PLCXD3: variants seen among roughly 807,000 people sequenced by gnomAD.
PLCXD3 encodes phosphatidylinositol specific phospholipase C X domain containing 3.
A neutral mutation model predicts 25.5 loss-of-function variants in PLCXD3; 19 were observed. The observed-to-expected ratio is 0.75, with a 90% CI of 0.52 to 1.09. The LOEUF (loss-of-function observed/expected upper bound fraction) is 1.09, where lower values mean the gene tolerates loss of function less well. Ranked by LOEUF, PLCXD3 falls within the 50% of genes least tolerant of loss-of-function variation. PLCXD3 has a pLI of 0.00. For missense variants in PLCXD3, 411 were observed against 388.1 expected (o/e 1.06, Z -0.50); for synonymous variants, 174 against 137.6 (o/e 1.26, Z -1.85).
chr5:41,398,681 T>A (rs1245234806), intron 1 of PLCXD3, among the ~76,000 whole-genome samples: 1 of 152,198 alleles, frequency 6.6e-6, no homozygotes, highest in Non-Finnish European at 1.5e-5. Context: ...CATCTCTTTA[T>A]GATAAAAATC....
chr5:41,498,509 G>T lies in PLCXD3; in HGVS notation c.103+11915C>A, dbSNP rs190129487. Among the ~76,000 whole-genome samples the T allele has an allele frequency of 1.3e-3, 198 of 151,814 alleles. 1 individual carries two copies. The highest frequency in any genetic ancestry group is 4.2e-3 in the African/African-American group (174 of 41,530). ...GTGAACAACCCTATAATAGTAAGGA[G>T]ATTGATTCAGTTGCTAAAATCTCTC... On this transcript the variant is annotated intron_variant, in intron 1 of 2. Transcript: ENST00000377801.
chr5:41,469,031 C>G (rs1465790182), intron 1 of PLCXD3, among the ~76,000 whole-genome samples: 4 of 152,056 alleles, frequency 2.6e-5, no homozygotes, highest in Non-Finnish European at 2.9e-5. Context: ...TATGGCCTAA[C>G]GGTGTTGAGG....
intron 2 of PLCXD3, among the ~76,000 whole-genome samples, chr5:41,368,278 G>C (rs1035650425): frequency 1.3e-5 from 2 of 151,986 alleles, no homozygotes; most frequent in Non-Finnish European, 2.9e-5. Context: ...GTCATAATTT[G>C]GCTCTATATT....
intron 2 of PLCXD3, among the ~76,000 whole-genome samples, chr5:41,369,942 T>C (rs1353658398): frequency 6.6e-6 from 1 of 152,218 alleles, no homozygotes; most frequent in Non-Finnish European, 1.5e-5. Flanking sequence ...ATCACATCCA[T>C]TTCCAAAGGG....
In PLCXD3 at chr5:41,458,358, A is replaced by G. The variant is rs116704669; in HGVS notation, c.103+52066T>C. ...AGACAGAGAAACAGAAAACTGGAAA[A>G]TAAAACCAGAATTAGTGAAAATGTA... is the stretch of plus-strand genomic sequence containing the variant. On this transcript the variant is annotated intron_variant, in intron 1 of 2. Transcript: ENST00000377801. Among the ~76,000 whole-genome samples the G allele has an allele frequency of 3.8e-3, 571 of 152,076 alleles. 6 individuals carry two copies. The highest frequency in any genetic ancestry group is 0.012 in the African/African-American group (480 of 41,510).
chr5:41,407,610 C>T (rs1314315030), intron 1 of PLCXD3, among the ~76,000 whole-genome samples: 1 of 152,114 alleles, frequency 6.6e-6, no homozygotes, highest in African/African-American at 2.4e-5. Flanking sequence ...GATTTTATGT[C>T]ATTAAAGACA....
chr5:41,427,724 G>A (rs1446525976), intron 1 of PLCXD3, among the ~76,000 whole-genome samples: 4 of 151,868 alleles, frequency 2.6e-5, no homozygotes, highest in Admixed American at 2.6e-4. Context: ...CCAGACTCTG[G>A]GTGGTTGAAC....
At chr5:41,426,151 G>T (rs1389329165) in intron 1 of PLCXD3, among the ~76,000 whole-genome samples, 2 of 151,390 alleles carry the variant, frequency 1.3e-5, no homozygotes, top group African/African-American at 4.8e-5. Context: ...CATTCTAATA[G>T]GTATGTAGTG....
At chr5:41,384,070 G>T (rs1745565341) in intron 1 of PLCXD3, among the ~76,000 whole-genome samples, 1 of 151,962 alleles carries the variant, frequency 6.6e-6, no homozygotes, top group African/African-American at 2.4e-5. Flanking sequence ...TTAAAATTTA[G>T]ATAAGTTCTC....
At chr5:41,475,921 C>T (rs930461521) in intron 1 of PLCXD3, among the ~76,000 whole-genome samples, 2 of 152,206 alleles carry the variant, frequency 1.3e-5, no homozygotes, top group African/African-American at 2.4e-5. Flanking sequence ...TGAGCAAAGG[C>T]AGCCCCTGAG....
intron 1 of PLCXD3, among the ~76,000 whole-genome samples, chr5:41,467,170 C>T (rs994524564): frequency 6.6e-6 from 1 of 152,162 alleles, no homozygotes; most frequent in Admixed American, 6.5e-5. Flanking sequence ...TACATTTCCA[C>T]CAACAATGTT....
chr5:41,330,320 C>T (rs1743758440), intron 2 of PLCXD3, among the ~76,000 whole-genome samples: 1 of 152,170 alleles, frequency 6.6e-6, no homozygotes, highest in African/African-American at 2.4e-5. Flanking sequence ...ACAAACACCT[C>T]TACGCAAATA....
rs1561245621 is a variant in PLCXD3 at position 41,362,271 on chromosome 5, C to T, written c.812+19555G>A. The stretch of plus-strand genomic sequence containing the variant: ...TGAAAAGAATTATATAATTTCAGAT[C>T]TTCATCAGAGACAACTCAAAAAATG... On this transcript the variant is annotated intron_variant, in intron 2 of 2. Transcript: ENST00000377801. 2.0e-5 allele frequency among the ~76,000 whole-genome samples: 3 copies of T among 152,194 alleles called. No individual in the cohort carries two copies. In the South Asian group the frequency reaches 6.2e-4, roughly 32 times the overall value.
At chr5:41,436,487 A>T (rs879922135) in intron 1 of PLCXD3, among the ~76,000 whole-genome samples, 1 of 152,178 alleles carries the variant, frequency 6.6e-6, no homozygotes, top group Admixed American at 6.5e-5. Context: ...GCTACTTAAT[A>T]TGTTCAGTAA....
At chr5:41,505,675 T>C (rs890687790) in intron 1 of PLCXD3, among the ~76,000 whole-genome samples, 1 of 152,204 alleles carries the variant, frequency 6.6e-6, no homozygotes, top group Non-Finnish European at 1.5e-5. Flanking sequence ...TTAAGTGCTA[T>C]CGATGGCCAA....
rs116827126 is a variant in PLCXD3 at position 41,379,514 on chromosome 5, C to G, written c.812+2312G>C. Among the ~76,000 whole-genome samples, 925 of 151,848 alleles carry G rather than the reference C, an allele frequency of 6.1e-3. 8 individuals are homozygous for G. The highest frequency in any genetic ancestry group is 0.021 in the African/African-American group (869 of 41,396). ...CACAATCATCTAGAACGTTGGGTCTCAAAGGCAATTGAAGGGTAATGAAAG... is the reference window on the plus strand; with the variant it reads ...CACAATCATCTAGAACGTTGGGTCTGAAAGGCAATTGAAGGGTAATGAAAG... On this transcript the variant is annotated intron_variant, in intron 2 of 2. Transcript: ENST00000377801.
chr5:41,315,826 C>T (rs186781765), intron 2 of PLCXD3, among the ~76,000 whole-genome samples: 3 of 152,264 alleles, frequency 2.0e-5, no homozygotes, highest in Middle Eastern at 3.4e-3. Context: ...CCTAACTCAG[C>T]GGACGCCCAG....
intron 1 of PLCXD3, among the ~76,000 whole-genome samples, chr5:41,412,087 T>A (rs926226822): frequency 6.6e-6 from 1 of 151,984 alleles, no homozygotes; most frequent in Non-Finnish European, 1.5e-5. Flanking sequence ...GGAATTTTTT[T>A]AGGCCTTTTT....
chr5:41,332,162 C>A (rs1327485841), intron 2 of PLCXD3, among the ~76,000 whole-genome samples: 16 of 151,894 alleles, frequency 1.1e-4, no homozygotes, highest in Admixed American at 1.0e-3. Context: ...AGGCAACCTA[C>A]AAAATGGGAG....
Sources: allele counts gnomAD v4.1 joint callset (sites outside exome capture counted in the v4.1 genomes callset), GRCh38; gene constraint gnomAD v4.1.1; transcripts MANE v1.5; gene names NCBI Gene and HGNC (gene_info 2026-07-23, HGNC 2026-07-21).